The following ARSG variants were observed in gnomAD, a reference collection of about 807,000 sequenced individuals.
ARSG encodes ASG.
Under a neutral mutation model 50.5 loss-of-function variants are expected in ARSG, and 37 were observed. That is an observed-to-expected ratio of 0.73 (90% CI 0.56 to 0.96). ARSG has a LOEUF of 0.96. Among genes scored for constraint, ARSG ranks in the 50% least tolerant of loss-of-function variants. ARSG has a pLI of 0.00. For missense variants in ARSG, 629 were observed against 675.3 expected (o/e 0.93, Z 0.76); for synonymous variants, 225 against 254.6 (o/e 0.88, Z 1.11).
downstream of ARSG, chr17:68,426,252 G>GGGGGGGGGGGGGGGGGT: frequency 1.2e-6 from 1 of 828,188 alleles, no homozygotes; most frequent in Non-Finnish European, 1.9e-6. Flanking sequence ...TGGGGAGCGG[G>GGGGGGGGGGGGGGGGGT]GGCTCAAATA....
chr17:68,355,605 T>C (rs1768593669), intron 5 of ARSG, among the ~76,000 whole-genome samples: 1 of 152,208 alleles, frequency 6.6e-6, no homozygotes, highest in Non-Finnish European at 1.5e-5. Context: ...TCCACCCGCC[T>C]TGGCCTCCCA....
intron 10 of ARSG, among the ~76,000 whole-genome samples, chr17:68,398,435 G>A (rs1416191726): frequency 6.6e-6 from 1 of 152,128 alleles, no homozygotes; most frequent in Non-Finnish European, 1.5e-5. Context: ...ACATACATAT[G>A]TGTACACAGA....
the ARSG span, among the ~76,000 whole-genome samples, chr17:68,450,219 A>C: frequency 6.6e-6 from 1 of 152,222 alleles, no homozygotes; most frequent in African/African-American, 2.4e-5. Context: ...TGAGAACCCA[A>C]GGCTGAATAG....
At chr17:68,358,294 C>T (rs1174265199) in intron 6 of ARSG, among the ~76,000 whole-genome samples, 1 of 151,868 alleles carries the variant, frequency 6.6e-6, no homozygotes, top group African/African-American at 2.4e-5. Context: ...ACCTGTAATC[C>T]CAGTGCTTTG....
chr17:68,406,040 C>T (rs1451602261), intron 11 of ARSG, among the ~76,000 whole-genome samples: 1 of 152,170 alleles, frequency 6.6e-6, no homozygotes, highest in Non-Finnish European at 1.5e-5. Context: ...CCCTTGCCCC[C>T]TCCCACTTTA....
At chr17:68,427,633 T>C (rs532792945), downstream of ARSG, 2 of 177,524 alleles carry the variant, frequency 1.1e-5, no homozygotes, top group Non-Finnish European at 2.4e-5. Flanking sequence ...ATTGTAGACC[T>C]ACCCACACGC....
chr17:68,312,390 A>G (rs1259829158), intron 2 of ARSG, among the ~76,000 whole-genome samples: 1 of 152,198 alleles, frequency 6.6e-6, no homozygotes, highest in Non-Finnish European at 1.5e-5. Context: ...ATGAACATTT[A>G]CCAGATTCTC....
At chr17:68,377,100 G>A (rs2080188269) in intron 8 of ARSG, among the ~76,000 whole-genome samples, 1 of 152,130 alleles carries the variant, frequency 6.6e-6, no homozygotes, top group African/African-American at 2.4e-5. Context: ...GACCTCCAGT[G>A]ATCTGCCCTC....
At chr17:68,299,441 G>A (rs750693567) in intron 1 of ARSG, among the ~76,000 whole-genome samples, 27 of 151,890 alleles carry the variant, frequency 1.8e-4, no homozygotes, top group Non-Finnish European at 1.5e-4. Flanking sequence ...CCACTGATCA[G>A]GCTGAACATG....
chr17:68,372,877 ATTTTTTTTTTTTTTTTT>A (rs55668215), intron 8 of ARSG, among the ~76,000 whole-genome samples: 102 of 93,182 alleles, frequency 1.1e-3, no homozygotes, highest in South Asian at 4.5e-3. Flanking sequence ...GGAAATGCTG[ATTTTTTTTTTTTTTTTT>A]TTTTTTTTTT....
intron 2 of ARSG, among the ~76,000 whole-genome samples, chr17:68,323,314 A>G (rs1455191815): frequency 6.6e-6 from 1 of 152,226 alleles, no homozygotes; most frequent in Non-Finnish European, 1.5e-5. Context: ...AGGTCTGAGA[A>G]GTCAATGAAA....
intron 11 of ARSG, among the ~76,000 whole-genome samples, chr17:68,418,433 C>T (rs2082529778): frequency 6.8e-6 from 1 of 146,758 alleles, no homozygotes; most frequent in African/African-American, 2.5e-5. Context: ...CTATTCCAAA[C>T]TGTAGGCAAA....
chr17:68,369,189 C>G (rs2079700570), intron 7 of ARSG, among the ~76,000 whole-genome samples: 1 of 152,186 alleles, frequency 6.6e-6, no homozygotes, highest in South Asian at 2.1e-4. Context: ...CTTTAAAGGC[C>G]TCACACATGC....
At chr17:68,435,858 G>T in the ARSG span, 1 of 713,942 alleles carries the variant, frequency 1.4e-6, no homozygotes, top group Non-Finnish European at 2.4e-6. Context: ...CTGCATGTAA[G>T]CTGTGTGTCA....
chr17:68,297,969 CTTTTTT>C (rs56199177), intron 1 of ARSG, among the ~76,000 whole-genome samples: 1 of 132,064 alleles, frequency 7.6e-6, no homozygotes, highest in Non-Finnish European at 1.6e-5. Flanking sequence ...TACTGTGACT[CTTTTTT>C]TTTTTTTTTT....
chr17:68,348,190 A>C (rs1599821659), intron 4 of ARSG, among the ~76,000 whole-genome samples: 1 of 152,192 alleles, frequency 6.6e-6, no homozygotes, highest in Non-Finnish European at 1.5e-5. Flanking sequence ...CTTTAAAAAA[A>C]ATGACAGATG....
intron 11 of ARSG, among the ~76,000 whole-genome samples, chr17:68,404,941 T>G (rs1425810531): frequency 6.6e-6 from 1 of 152,198 alleles, no homozygotes; most frequent in Non-Finnish European, 1.5e-5. Context: ...GAAAACACTG[T>G]CCTTTCCCCA....
chr17:68,438,339 A>G, the ARSG span, among the ~76,000 whole-genome samples: 3 of 152,152 alleles, frequency 2.0e-5, no homozygotes, highest in Non-Finnish European at 2.9e-5. Flanking sequence ...TGGAAACCCC[A>G]ATTCCTCACC....
chr17:68,421,658 G>A (rs1049873684), downstream of ARSG: 5 of 1,465,124 alleles, frequency 3.4e-6, no homozygotes, highest in African/African-American at 2.8e-5. Context: ...TGGAGCACCC[G>A]GGATTCCTGC....
Sources: allele counts gnomAD v4.1 joint callset (sites outside exome capture counted in the v4.1 genomes callset), GRCh38; gene constraint gnomAD v4.1.1; transcripts MANE v1.5; gene names NCBI Gene and HGNC (gene_info 2026-07-23, HGNC 2026-07-21).